PARD3: variants seen among roughly 807,000 people sequenced by gnomAD.
PARD3 encodes the protein partitioning defective 3 homolog.
In PARD3, 75 loss-of-function variants were observed where a neutral mutation model predicts 155.4. The observed-to-expected ratio is 0.48, with a 90% CI of 0.40 to 0.58. The LOEUF is 0.58. PARD3 is among the 20% of genes least tolerant of loss of function. PARD3 has a pLI of 0.00. For missense variants in PARD3, 1,642 were observed against 1,721.7 expected (o/e 0.95, Z 0.82); for synonymous variants, 576 against 610.5 (o/e 0.94, Z 0.83).
chr10:34,468,111 G>A (rs2078122508), intron 4 of PARD3, among the ~76,000 whole-genome samples: 1 of 152,140 alleles, frequency 6.6e-6, no homozygotes, highest in South Asian at 2.1e-4. Context: ...GGTGGGAGGA[G>A]TTCAGGCCCC....
rs567362526 is a variant in PARD3, at chr10:34,561,813, C to T, written c.223-44654G>A. 1.1e-4 allele frequency among the ~76,000 whole-genome samples: 16 copies of T among 151,574 alleles called. No homozygotes were observed. The East Asian group carries it at 2.0e-3, about 19-fold the overall frequency. On this transcript the variant is annotated intron_variant, in intron 2 of 24. Coordinates refer to ENST00000374788, the MANE Select transcript of PARD3 (RefSeq NM_001184785.2). The stretch of plus-strand genomic sequence containing the variant: ...GATTACAGGCATGAGCCACTGCGCC[C>T]GGCCCTGTAACGCACATTTAAAACT...
chr10:34,665,584 A>C (rs910248561), intron 2 of PARD3, among the ~76,000 whole-genome samples: 4 of 152,174 alleles, frequency 2.6e-5, no homozygotes, highest in African/African-American at 9.6e-5. Context: ...TCACACCTGT[A>C]ATCCCAACAC....
intron 2 of PARD3, among the ~76,000 whole-genome samples, chr10:34,695,067 G>GTGTTAC (rs1554813493): frequency 2.0e-5 from 3 of 151,204 alleles, no homozygotes; most frequent in African/African-American, 4.9e-5. Context: ...TAAATACCCT[G>GTGTTAC]TGCAGGGAGG....
chr10:34,329,427 A>G (rs368283984), intron 19 of PARD3, among the ~76,000 whole-genome samples: 3 of 152,208 alleles, frequency 2.0e-5, no homozygotes, highest in African/African-American at 7.2e-5. Flanking sequence ...AGCAAGCTCT[A>G]TAATTGTCAA....
intron 1 of PARD3, among the ~76,000 whole-genome samples, chr10:34,726,224 T>A (rs575945607): frequency 6.6e-6 from 1 of 152,186 alleles, no homozygotes; most frequent in Non-Finnish European, 1.5e-5. Flanking sequence ...GGGAGGTGGG[T>A]GAATCACCTA....
At chr10:34,279,128 T>C (rs1262704103) in intron 21 of PARD3, among the ~76,000 whole-genome samples, 1 of 148,574 alleles carries the variant, frequency 6.7e-6, no homozygotes, top group Middle Eastern at 3.2e-3. Flanking sequence ...CAAGTATTCA[T>C]CTATATTTTT....
chr10:34,115,320 GA>G, intron 24 of PARD3, among the ~76,000 whole-genome samples: 1 of 152,026 alleles, frequency 6.6e-6, no homozygotes, highest in East Asian at 1.9e-4. Flanking sequence ...GGAGAGGCAG[GA>G]AAAGAAAATG....
At chr10:34,581,484 T>A (rs534976071) in intron 2 of PARD3, among the ~76,000 whole-genome samples, 71 of 152,160 alleles carry the variant, frequency 4.7e-4, no homozygotes, top group Non-Finnish European at 6.9e-4. Context: ...TCTACCCACC[T>A]CGGCCTCCCA....
rs2094520302 is a variant in PARD3, at chr10:34,716,448, AAAC to A, written c.121-20032_121-20030del. 2.0e-5 allele frequency among the ~76,000 whole-genome samples: 3 copies of A among 152,342 alleles called. No individual in the cohort carries two copies. The South Asian group carries it at 6.2e-4, about 32-fold the overall frequency. On this transcript the variant is annotated intron_variant, in intron 1 of 24. Transcript: ENST00000374788. ...ATTAAAGTGTGAAATGGACTACCTC[AAAC>A]AACAATAAAACTTGTAACTATAAAC...
chr10:34,610,488 G>C (rs1373134418), intron 2 of PARD3, among the ~76,000 whole-genome samples: 1 of 152,162 alleles, frequency 6.6e-6, no homozygotes, highest in Non-Finnish European at 1.5e-5. Context: ...TTAGGAAGAT[G>C]ACCCAGTAAC....
chr10:34,754,248 C>A (rs1590959799), intron 1 of PARD3, among the ~76,000 whole-genome samples: 1 of 152,204 alleles, frequency 6.6e-6, no homozygotes, highest in African/African-American at 2.4e-5. Context: ...TCAAGCAATC[C>A]TCTTGCCTCA....
chr10:34,663,322 C>A (rs978413690), intron 2 of PARD3, among the ~76,000 whole-genome samples: 2 of 151,964 alleles, frequency 1.3e-5, no homozygotes, highest in Non-Finnish European at 2.9e-5. Flanking sequence ...AAAAAATAGC[C>A]AGGCGTAGTA....
chr10:34,216,821 C>T (rs1406229798), intron 22 of PARD3, among the ~76,000 whole-genome samples: 1 of 152,170 alleles, frequency 6.6e-6, no homozygotes, highest in Non-Finnish European at 1.5e-5. Context: ...TGGTGATTTC[C>T]TTGACTATGG....
At chr10:34,479,006 A>G (rs1376315562) in intron 3 of PARD3, among the ~76,000 whole-genome samples, 1 of 152,174 alleles carries the variant, frequency 6.6e-6, no homozygotes, top group African/African-American at 2.4e-5. Flanking sequence ...AAGATTGTAT[A>G]CATTTTATAT....
At chr10:34,410,894 C>T (rs950773457) in intron 5 of PARD3, among the ~76,000 whole-genome samples, 8 of 152,204 alleles carry the variant, frequency 5.3e-5, no homozygotes, top group Non-Finnish European at 1.2e-4. Flanking sequence ...TAACATTACC[C>T]ATAGAGCATG....
At chr10:34,199,775 G>C (rs1204223139) in intron 22 of PARD3, among the ~76,000 whole-genome samples, 1 of 152,136 alleles carries the variant, frequency 6.6e-6, no homozygotes, top group Non-Finnish European at 1.5e-5. Flanking sequence ...ATGAGAACCG[G>C]AGAAATCAGT....
rs1434161580 is a variant in PARD3, at chr10:34,493,285, C to T, written c.404-23022G>A. ...AAAATGGAAGCACATGCATACATTA[C>T]CTTATTCCAATGTCTTCAATCAATT... On this transcript the variant is annotated intron_variant, in intron 3 of 24. Transcript: ENST00000374788. Among the ~76,000 whole-genome samples the T allele has an allele frequency of 2.0e-5, 3 of 152,276 alleles. No individual in the cohort carries two copies. In the East Asian group the frequency reaches 5.8e-4, roughly 29 times the overall value.
intron 14 of PARD3, 94 bp from the exon 15 acceptor site, chr10:34,348,209 A>T (rs1837629662): frequency 9.3e-7 from 1 of 1,075,414 alleles, no homozygotes; most frequent in Non-Finnish European, 1.3e-6. Flanking sequence ...CGAGGCCTGT[A>T]TCCAACTGGG....
intron 1 of PARD3, among the ~76,000 whole-genome samples, chr10:34,742,056 T>C (rs2095028442): frequency 6.6e-6 from 1 of 152,178 alleles, no homozygotes; most frequent in Non-Finnish European, 1.5e-5. Flanking sequence ...TTTCAAGGTG[T>C]TTGTACTTCT....
Sources: gnomAD v4.1 joint callset for allele counts (sites outside exome capture counted in the v4.1 genomes callset) on GRCh38, gnomAD v4.1.1 for gene constraint, MANE v1.5 for transcripts, NCBI Gene and HGNC (gene_info 2026-07-23, HGNC 2026-07-21) for gene names.